FAM149A: variants seen among roughly 807,000 people sequenced by gnomAD.
The protein encoded by FAM149A is protein FAM149A.
FAM149A carries 71 observed loss-of-function variants against 78.2 expected under a neutral mutation model. The observed-to-expected ratio is 0.91, with a 90% CI of 0.75 to 1.11. The LOEUF is 1.11. Ranked by LOEUF, FAM149A falls within the 50% of genes least tolerant of loss-of-function variation. The pLI is 0.00. For synonymous variants in FAM149A, 446 were observed against 410.5 expected (o/e 1.09, Z -1.04); for missense variants, 1,036 against 971.0 (o/e 1.07, Z -0.89).
At chr4:186,140,259 T>C (rs1327786949) in intron 1 of FAM149A, among the ~76,000 whole-genome samples, 3 of 152,120 alleles carry the variant, frequency 2.0e-5, no homozygotes, top group Non-Finnish European at 4.4e-5. Flanking sequence ...ATATTACTAA[T>C]TAATTTTCAG....
intron 1 of FAM149A, chr4:186,125,981 C>A (rs1438320507): frequency 1.0e-6 from 1 of 985,306 alleles, no homozygotes; most frequent in Non-Finnish European, 1.2e-6. Context: ...GGATGACCTT[C>A]ACAGGCCCCA....
In FAM149A at chr4:186,152,010, A is replaced by G; in HGVS notation, c.897A>G (p.Glu299=). 6.2e-7 allele frequency: 1 copy of G among 1,614,138 alleles called. No individual in the cohort carries two copies. Among genetic ancestry groups the G allele is most frequent in the South Asian group, 1.1e-5 (1 of 91,080 alleles). Residue 299 remains glutamate, a synonymous_variant, in exon 4 of 14, where the codon GAA becomes GAG. Coordinates refer to ENST00000389354, the MANE Select transcript of FAM149A (RefSeq NM_001367768.3). ...CTCAGACCCAGAGTCTGCTGGCCGA[A>G]TGCGGGGAGTGGACAAGAAGATCCC...
Position 186,167,004 on chromosome 4 carries a change from G to A in FAM149A, c.2047G>A (p.Ala683Thr), listed in dbSNP as rs953738969. Reference sequence around the variant, plus strand: ...GCATCTACAAAACCGTGTGTTGAGTGCCATGCCTGACGGTACAGAACGATC... The same window carrying A: ...GCATCTACAAAACCGTGTGTTGAGTACCATGCCTGACGGTACAGAACGATC... The change falls in exon 12 of 14, where the codon GCC (alanine) becomes ACC (threonine). Residue 683 changes from alanine to threonine, a missense_variant. Transcript: ENST00000389354. 29 of 1,613,968 alleles carry A rather than the reference G, an allele frequency of 1.8e-5. No homozygotes were observed. Among genetic ancestry groups the A allele is most frequent in the Non-Finnish European group, 2.5e-5 (29 of 1,179,956 alleles).
chr4:186,105,315 G>A lies in FAM149A; in HGVS notation c.239G>A (p.Arg80Gln), dbSNP rs1012782343. ...CCGCTGCTCTCCTCCCCCTACTCCC[G>A]GGGCTCCGCCGCCAGCCGCGCCGCG... is the stretch of plus-strand genomic sequence containing the variant. Residue 80 changes from arginine (R) to glutamine (Q), a missense_variant, in exon 1 of 14, where the codon CGG becomes CAG. Arg to Gln is a conservative substitution (Grantham distance 43). This residue lies in a region of FAM149A where 316 missense variants were observed against 241.9 expected (regional missense o/e 1.31). Coordinates refer to ENST00000389354, the MANE Select transcript of FAM149A (RefSeq NM_001367768.3). The A allele has an allele frequency of 8.5e-7, 1 of 1,169,866 alleles. No individual in the cohort carries two copies. The highest frequency in any genetic ancestry group is 1.1e-6 in the Non-Finnish European group (1 of 940,226). 72.5% of individuals were successfully genotyped at this position (1,169,866 alleles called of 1,614,324 possible).
At chr4:186,161,672 T>C (rs1457306379) in intron 8 of FAM149A, among the ~76,000 whole-genome samples, 3 of 152,222 alleles carry the variant, frequency 2.0e-5, no homozygotes, top group Non-Finnish European at 4.4e-5. Context: ...AGCTGTTTTG[T>C]TTTTATAATT....
chr4:186,116,151 G>A (rs1315266126), intron 1 of FAM149A, among the ~76,000 whole-genome samples: 3 of 100,226 alleles, frequency 3.0e-5, no homozygotes, highest in Non-Finnish European at 6.2e-5. Flanking sequence ...GGAGTGACCT[G>A]ATTTTTCAGG....
At chr4:186,136,964 T>TTTCTCTC (rs2099323211) in intron 1 of FAM149A, among the ~76,000 whole-genome samples, 11 of 97,106 alleles carry the variant, frequency 1.1e-4, no homozygotes, top group African/African-American at 3.6e-4. Context: ...CTCTCTCTCT[T>TTTCTCTC]TCTCTCTCTC....
chr4:186,151,647 C>A lies in FAM149A; in HGVS notation c.790-256C>A, dbSNP rs116122148. The A allele has an allele frequency of 2.2e-3, 1,845 of 839,878 alleles. 32 individuals are homozygous for A. The African/African-American group carries it at 0.031, about 14-fold the overall frequency. 52.0% of individuals were successfully genotyped at this position (839,878 alleles called of 1,614,324 possible). On this transcript the variant is annotated intron_variant, in intron 3 of 13. Transcript: ENST00000389354. ...ATCTATACCTCTATCTATGCAAATT[C>A]TTGAGTCTCATAACTTCCGTGGCAG...
At chr4:186,123,448 A>G in intron 1 of FAM149A, 2 of 849,380 alleles carry the variant, frequency 2.4e-6, no homozygotes, top group Non-Finnish European at 2.8e-6. Flanking sequence ...ATATGCAGAA[A>G]TGCAAGGCCC....
chr4:186,154,508 T>C lies in FAM149A; in HGVS notation c.1099T>C (p.Ser367Pro). Residue 367 changes from serine (S) to proline (P), a missense_variant, in exon 6 of 14, where the codon TCA (serine) becomes CCA (proline). Ser to Pro is a moderately conservative substitution (Grantham distance 74, BLOSUM62 -1). Around this residue, in one of 3 missense-constraint regions of FAM149A, gnomAD observed 716 missense variants for 711.8 expected, o/e 1.01. Transcript: ENST00000389354. ...CTCTCAAATAGTCCCAGCAGCACTC[T>C]CAGCCTCTGCCCTGCCAGGCCCTGA... 1 of 1,614,142 alleles carries C rather than the reference T, an allele frequency of 6.2e-7. No individual in the cohort carries two copies. Among genetic ancestry groups the C allele is most frequent in the Non-Finnish European group, 8.5e-7 (1 of 1,179,992 alleles).
At chr4:186,108,686 G>A (rs773498417) in intron 1 of FAM149A, among the ~76,000 whole-genome samples, 15 of 151,914 alleles carry the variant, frequency 9.9e-5, no homozygotes, top group Non-Finnish European at 1.9e-4. Context: ...CCCTGGATAC[G>A]TGATCCAACA....
At chr4:186,157,538 G>C (rs1490876466) in intron 7 of FAM149A, 27 bp from the exon 8 acceptor site, 1 of 1,604,362 alleles carries the variant, frequency 6.2e-7, no homozygotes, top group Non-Finnish European at 8.5e-7. Context: ...GATGTTTCTT[G>C]TAATATTGAT....
chr4:186,153,646 G>C lies in FAM149A; in HGVS notation c.934G>C (p.Val312Leu). ...AGTAGCTTCTCTTTGACCTCGCAGAGTATTAGGAAGACAGCTGATCCTGCC... is the reference window on the plus strand; with the variant it reads ...AGTAGCTTCTCTTTGACCTCGCAGACTATTAGGAAGACAGCTGATCCTGCC... Residue 312 changes from valine (V) to leucine (L), a missense_variant and splice_region_variant, in exon 5 of 14, where the codon GTA becomes CTA. By Grantham distance (32) the Val-to-Leu change is conservative (BLOSUM62 1). This residue lies in a region of FAM149A where 716 missense variants were observed against 711.8 expected (regional missense o/e 1.01). Coordinates refer to ENST00000389354, the MANE Select transcript of FAM149A (RefSeq NM_001367768.3). 6.2e-7 allele frequency: 1 copy of C among 1,613,758 alleles called. No individual in the cohort carries two copies. Among genetic ancestry groups the C allele is most frequent in the Non-Finnish European group, 8.5e-7 (1 of 1,179,704 alleles).
At chr4:186,168,674 CG>C (rs1735266874) in intron 13 of FAM149A, among the ~76,000 whole-genome samples, 1 of 152,154 alleles carries the variant, frequency 6.6e-6, no homozygotes, top group African/African-American at 2.4e-5. Flanking sequence ...GCTTGTAACA[CG>C]ATTGTAGGTG....
At chr4:186,117,341 T>G (rs1415990751) in intron 1 of FAM149A, 2 of 737,926 alleles carry the variant, frequency 2.7e-6, no homozygotes, top group East Asian at 2.6e-4. Context: ...GAGCTAGATT[T>G]TTGAGTAATT....
intron 9 of FAM149A, among the ~76,000 whole-genome samples, 164 bp downstream of exon 9, chr4:186,163,112 C>T (rs60881630): frequency 0.013 from 1,929 of 152,182 alleles, 41 homozygotes; most frequent in African/African-American, 0.043. Context: ...CCTTTAGTAC[C>T]AACCACAAAA....
intron 7 of FAM149A, 42 bp from the exon 8 acceptor site, chr4:186,157,523 A>G: frequency 6.3e-7 from 1 of 1,582,310 alleles, no homozygotes; most frequent in Non-Finnish European, 8.7e-7. Flanking sequence ...TGTATTAGAT[A>G]ATCTGATGTT....
At chr4:186,106,686 G>A (rs146576610) in intron 1 of FAM149A, among the ~76,000 whole-genome samples, 2,100 of 152,284 alleles carry the variant, frequency 0.014, 52 homozygotes, top group African/African-American at 0.048. Context: ...GGTGGCTCAC[G>A]CCTGTAATCC....
intron 3 of FAM149A, among the ~76,000 whole-genome samples, chr4:186,150,327 G>C (rs1351790247): frequency 2.0e-5 from 3 of 150,966 alleles, no homozygotes; most frequent in African/African-American, 7.3e-5. Context: ...AGCACCTTGG[G>C]TGTTCTGTTT....
Sources: allele counts gnomAD v4.1 joint callset (sites outside exome capture counted in the v4.1 genomes callset), GRCh38; gene constraint gnomAD v4.1.1; regional missense constraint gnomAD v4.1.1; transcripts MANE v1.5; gene names NCBI Gene and HGNC (gene_info 2026-07-23, HGNC 2026-07-21).